MDGA2: variants seen among roughly 807,000 people sequenced by gnomAD.
MDGA2 encodes MAM domain containing glycosylphosphatidylinositol anchor 2.
Under a neutral mutation model 117.8 loss-of-function variants are expected in MDGA2, and 40 were observed. The ratio of observed to expected loss-of-function variants is 0.34; its 90% confidence interval spans 0.26 to 0.44. MDGA2 has a LOEUF of 0.44. MDGA2 is among the 20% of genes least tolerant of loss of function. MDGA2 has a pLI of 1.00. For missense variants in MDGA2, 1,123 were observed against 1,250.6 expected, an observed-to-expected ratio of 0.90 and a Z score of 1.54; for synonymous variants, 452 against 439.0, an observed-to-expected ratio of 1.03 and a Z score of -0.37.
intron 1 of MDGA2, among the ~76,000 whole-genome samples, chr14:47,389,614 A>ACCCACACACACC (rs33917670): frequency 6.8e-6 from 1 of 147,588 alleles, no homozygotes; most frequent in African/African-American, 2.6e-5. Context: ...ACCCACACAC[A>ACCCACACACACC]CACACACACA....
At chr14:46,960,786 A>T (rs1303950195) in intron 8 of MDGA2, among the ~76,000 whole-genome samples, 1 of 146,110 alleles carries the variant, frequency 6.8e-6, no homozygotes, top group Admixed American at 7.0e-5. Context: ...CATATTATAC[A>T]TATATAGAAT....
chr14:47,443,577 A>G (rs1378415510), intron 1 of MDGA2, among the ~76,000 whole-genome samples: 1 of 152,198 alleles, frequency 6.6e-6, no homozygotes, highest in Non-Finnish European at 1.5e-5. Flanking sequence ...TCACCATTGC[A>G]TAATTCAGTT....
At chr14:47,555,812 T>C (rs1393591125) in intron 1 of MDGA2, among the ~76,000 whole-genome samples, 1 of 152,162 alleles carries the variant, frequency 6.6e-6, no homozygotes, top group Non-Finnish European at 1.5e-5. Flanking sequence ...CTTTGGTAAT[T>C]ATTTTTTCCA....
Position 47,526,610 on chromosome 14 carries a change from C to T in MDGA2, c.280+147907G>A, listed in dbSNP as rs567554985. On this transcript the variant is annotated intron_variant, in intron 1 of 16. Coordinates refer to ENST00000399232, the MANE Select transcript of MDGA2 (RefSeq NM_001113498.3). ...CCGGGAACAGGTTTCTGCTTGATTTCAAGGAGTTTCACCCTACACTTGTGT... is the reference window on the plus strand; with the variant it reads ...CCGGGAACAGGTTTCTGCTTGATTTTAAGGAGTTTCACCCTACACTTGTGT... 1.7e-4 allele frequency among the ~76,000 whole-genome samples: 26 copies of T among 152,154 alleles called. No individual in the cohort carries two copies. The South Asian group carries it at 5.4e-3, about 32-fold the overall frequency.
chr14:47,600,696 G>A (rs943924702), intron 1 of MDGA2, among the ~76,000 whole-genome samples: 13 of 149,216 alleles, frequency 8.7e-5, no homozygotes, highest in African/African-American at 3.1e-4. Context: ...TAAACTACAC[G>A]AGTTGTGTCT....
intron 9 of MDGA2, among the ~76,000 whole-genome samples, chr14:46,929,601 GTATATATATATATATATATATATA>G (rs756528353): frequency 0.04 from 513 of 12,690 alleles, 38 homozygotes; most frequent in South Asian, 0.2. Flanking sequence ...GTGTGTGTGT[GTATATATATATATATATATATATA>G]TATATATATA....
intron 12 of MDGA2, among the ~76,000 whole-genome samples, chr14:46,875,771 A>C (rs1241984140): frequency 6.6e-6 from 1 of 151,644 alleles, no homozygotes; most frequent in African/African-American, 2.4e-5. Context: ...GTTTTCAGTT[A>C]TTTAATTATA....
intron 3 of MDGA2, among the ~76,000 whole-genome samples, chr14:47,201,385 C>T (rs1339079390): frequency 6.6e-6 from 1 of 152,180 alleles, no homozygotes; most frequent in Admixed American, 6.5e-5. Flanking sequence ...CACACAAAGA[C>T]ATCCTAGCTC....
intron 1 of MDGA2, among the ~76,000 whole-genome samples, chr14:47,585,447 T>C (rs12892687): frequency 0.15 from 22,791 of 151,808 alleles, 2,037 homozygotes; most frequent in Non-Finnish European, 0.21. Context: ...ATCTATAAAA[T>C]TGAGTAATAA....
intron 2 of MDGA2, among the ~76,000 whole-genome samples, chr14:47,284,493 G>A (rs1888604237): frequency 6.6e-6 from 1 of 152,106 alleles, no homozygotes; most frequent in South Asian, 2.1e-4. Flanking sequence ...CTCCATAGTA[G>A]GTAAGATGGC....
chr14:46,943,746 A>C (rs748639686), intron 9 of MDGA2, among the ~76,000 whole-genome samples: 9 of 152,000 alleles, frequency 5.9e-5, no homozygotes, highest in Non-Finnish European at 7.4e-5. Flanking sequence ...CCTAAATTAC[A>C]ATGTTGTTAT....
At chr14:47,570,106 C>A (rs1281414613) in intron 1 of MDGA2, among the ~76,000 whole-genome samples, 1 of 151,986 alleles carries the variant, frequency 6.6e-6, no homozygotes, top group Non-Finnish European at 1.5e-5. Context: ...TAGAATGTGT[C>A]CAGATAAGAT....
intron 8 of MDGA2, among the ~76,000 whole-genome samples, chr14:47,017,209 C>A: frequency 6.7e-6 from 1 of 148,336 alleles, no homozygotes; most frequent in African/African-American, 2.5e-5. Flanking sequence ...TCCATAGAGA[C>A]AGGTTTTATT....
chr14:47,643,421 A>G (rs1436287139), intron 1 of MDGA2, among the ~76,000 whole-genome samples: 1 of 152,028 alleles, frequency 6.6e-6, no homozygotes, highest in Non-Finnish European at 1.5e-5. Context: ...ATTTCTCTAC[A>G]CCATCAGATT....
At chr14:47,180,577 G>A (rs1040084048) in intron 3 of MDGA2, among the ~76,000 whole-genome samples, 20 of 152,102 alleles carry the variant, frequency 1.3e-4, no homozygotes, top group Non-Finnish European at 2.9e-4. Flanking sequence ...ACGAAAAAAA[G>A]CTCAACATCA....
chr14:47,404,351 G>T (rs879866996), intron 1 of MDGA2, among the ~76,000 whole-genome samples: 3 of 151,722 alleles, frequency 2.0e-5, no homozygotes, highest in Non-Finnish European at 4.4e-5. Context: ...ATGCCCAGCT[G>T]ATTTTTGTAT....
At chr14:47,246,971 C>A (rs1887261212) in intron 2 of MDGA2, among the ~76,000 whole-genome samples, 1 of 151,788 alleles carries the variant, frequency 6.6e-6, no homozygotes, top group South Asian at 2.1e-4. Flanking sequence ...CAAGAAGTTA[C>A]TGCTATATTG....
At chr14:47,598,665 G>A (rs1394600740) in intron 1 of MDGA2, among the ~76,000 whole-genome samples, 3 of 152,080 alleles carry the variant, frequency 2.0e-5, no homozygotes, top group Non-Finnish European at 4.4e-5. Flanking sequence ...CCAAAGGCTA[G>A]GAGGAAAAAG....
intron 8 of MDGA2, chr14:46,996,912 G>A: frequency 2.7e-6 from 1 of 368,112 alleles, no homozygotes; most frequent in East Asian, 7.6e-5. Flanking sequence ...AACAGCAAGG[G>A]AGAGCACCTA....
Sources: allele counts gnomAD v4.1 joint callset (sites outside exome capture counted in the v4.1 genomes callset), GRCh38; gene constraint gnomAD v4.1.1; transcripts MANE v1.5; gene names NCBI Gene and HGNC (gene_info 2026-07-23, HGNC 2026-07-21).